Variants in FARP1 observed in about 807,000 individuals in gnomAD.
The protein encoded by FARP1 is FERM, ARH/RhoGEF and pleckstrin domain protein 1, also known as FERM, ARHGEF and pleckstrin domain-containing protein 1.
Under a neutral mutation model 128.8 loss-of-function variants are expected in FARP1, and 52 were observed. That is an observed-to-expected ratio of 0.40 (90% CI 0.32 to 0.51). The LOEUF (loss-of-function observed/expected upper bound fraction) is 0.51. FARP1 is among the 20% of genes least tolerant of loss of function. The probability of loss-of-function intolerance (pLI) is 0.45; values close to 1 mark genes in which losing one functional copy is unlikely to be tolerated. For synonymous variants in FARP1, 580 were observed against 551.8 expected, an observed-to-expected ratio of 1.05 and a Z score of -0.72; for missense variants, 1,333 against 1,367.9, an observed-to-expected ratio of 0.97 and a Z score of 0.40.
chr13:98,195,298 C>T (rs1250022195), intron 1 of FARP1, among the ~76,000 whole-genome samples: 2 of 152,150 alleles, frequency 1.3e-5, no homozygotes, highest in Non-Finnish European at 2.9e-5. Flanking sequence ...GGTTGCTCCT[C>T]GATCTGCCTA....
At chr13:98,447,006 C>G (rs1399189257) in intron 26 of FARP1, 189 bp downstream of exon 26, 3 of 602,268 alleles carry the variant, frequency 5.0e-6, no homozygotes, top group Non-Finnish European at 8.8e-6. Context: ...GGGGTCCCAA[C>G]TTCCCTGCGC....
intron 2 of FARP1, among the ~76,000 whole-genome samples, chr13:98,228,505 T>G (rs7983018): frequency 0.12 from 18,702 of 152,202 alleles, 2,768 homozygotes; most frequent in East Asian, 0.49. Flanking sequence ...GATTGAAGTT[T>G]AAAATTCAAG....
chr13:98,393,915 G>A (rs1490720763), intron 12 of FARP1, among the ~76,000 whole-genome samples, 197 bp downstream of exon 12: 1 of 152,170 alleles, frequency 6.6e-6, no homozygotes, highest in Admixed American at 6.5e-5. Flanking sequence ...CTCAGAGGCC[G>A]TGGAGTGTGT....
chr13:98,435,425 T>C (rs903139790), intron 18 of FARP1, 151 bp from the exon 19 acceptor site: 13 of 686,942 alleles, frequency 1.9e-5, no homozygotes, highest in Non-Finnish European at 2.8e-5. Context: ...ATTTTTATTA[T>C]AGAGAAATAG....
At chr13:98,418,678 G>A (rs1891479452) in intron 16 of FARP1, among the ~76,000 whole-genome samples, 1 of 152,232 alleles carries the variant, frequency 6.6e-6, no homozygotes, top group Non-Finnish European at 1.5e-5. Context: ...CTGTTTCCCT[G>A]AGACGAGTGA....
intron 1 of FARP1, among the ~76,000 whole-genome samples, chr13:98,179,592 T>C (rs956121661): frequency 2.0e-5 from 3 of 152,100 alleles, no homozygotes; most frequent in Admixed American, 1.3e-4. Flanking sequence ...TGGCCTGGCA[T>C]GGTGGCTCAC....
chr13:98,272,114 G>T (rs2389986), intron 2 of FARP1, among the ~76,000 whole-genome samples: 1 of 151,966 alleles, frequency 6.6e-6, no homozygotes, highest in Non-Finnish European at 1.5e-5. Flanking sequence ...ACTGCAACCT[G>T]TACCTCCTGG....
intron 2 of FARP1, among the ~76,000 whole-genome samples, chr13:98,273,576 A>C (rs1884490049): frequency 4.6e-5 from 7 of 152,216 alleles, no homozygotes; most frequent in Admixed American, 4.6e-4. Flanking sequence ...TTTAGTTTAC[A>C]CTGAAATGAG....
intron 2 of FARP1, among the ~76,000 whole-genome samples, chr13:98,306,379 C>T (rs1027683146): frequency 5.9e-5 from 9 of 152,222 alleles, no homozygotes; most frequent in African/African-American, 2.2e-4. Flanking sequence ...CTGTGCTAGA[C>T]ACTTTACATG....
At position 98,440,545 on chromosome 13, in the gene FARP1, A is replaced by G. The variant is rs908143498; in HGVS notation, c.2630-125A>G. On this transcript the variant is annotated intron_variant, in intron 23 of 26. Transcript: ENST00000319562. The stretch of plus-strand genomic sequence containing the variant: ...GCAGGGTCCATCGAGGCCTCATTAG[A>G]TTCTGGTTGGGCACCACAGGTTGTG... The G allele has an allele frequency of 2.2e-5, 21 of 962,314 alleles. No individual in the cohort carries two copies. In the Admixed American group the frequency reaches 5.5e-4, roughly 25 times the overall value. 59.6% of individuals were successfully genotyped at this position (962,314 alleles called of 1,614,324 possible).
At chr13:98,432,587 C>T (rs1309833386) in intron 18 of FARP1, 3 of 152,274 alleles carry the variant, frequency 2.0e-5, no homozygotes, top group Non-Finnish European at 2.9e-5. Flanking sequence ...GCCCTTATTC[C>T]TTGCCTGAAA....
At chr13:98,244,826 C>T (rs1458010150) in intron 2 of FARP1, 6 of 1,491,078 alleles carry the variant, frequency 4.0e-6, no homozygotes, top group East Asian at 2.4e-5. Flanking sequence ...GATTTTTCTG[C>T]TGGGTAGGAG....
chr13:98,352,584 G>T (rs1888481127), intron 3 of FARP1, among the ~76,000 whole-genome samples: 1 of 152,180 alleles, frequency 6.6e-6, no homozygotes, highest in Admixed American at 6.5e-5. Flanking sequence ...GCTTTGAAAA[G>T]CTACTCTGAA....
intron 16 of FARP1, among the ~76,000 whole-genome samples, chr13:98,416,951 T>G (rs368353988): frequency 2.0e-5 from 3 of 152,330 alleles, no homozygotes; most frequent in East Asian, 1.9e-4. Context: ...GGAGAAACTT[T>G]GGCCAGAGTC....
At position 98,244,381 on chromosome 13, in the gene FARP1, T is replaced by C. The variant is rs374548729; in HGVS notation, c.171+30968T>C. 1.0e-4 allele frequency: 87 copies of C among 872,250 alleles called. 1 individual carries two copies. The African/African-American group carries it at 1.4e-3, about 14-fold the overall frequency. The allele number at this position is 872,250 out of a possible 1,614,324, so 54.0% of individuals were successfully genotyped here. ...TCACCCAGTCAAGGTAATAAACATA[T>C]CCATCACTTCCAAAACTTTGCTGTG... On this transcript the variant is annotated intron_variant, in intron 2 of 26. Coordinates refer to ENST00000319562, the MANE Select transcript of FARP1 (RefSeq NM_005766.4).
intron 1 of FARP1, among the ~76,000 whole-genome samples, chr13:98,195,841 A>G (rs551719053): frequency 2.4e-4 from 37 of 152,270 alleles, no homozygotes; most frequent in African/African-American, 8.4e-4. Context: ...CCTGGGCAAC[A>G]CAGTGAAACT....
chr13:98,430,163 G>A (rs1365617433), intron 17 of FARP1, among the ~76,000 whole-genome samples: 2 of 152,116 alleles, frequency 1.3e-5, no homozygotes, highest in African/African-American at 4.8e-5. Flanking sequence ...GAGGCAGGAG[G>A]ATCCCTTGAG....
At chr13:98,278,919 G>A (rs1450542598) in intron 2 of FARP1, among the ~76,000 whole-genome samples, 3 of 151,756 alleles carry the variant, frequency 2.0e-5, no homozygotes, top group African/African-American at 4.8e-5. Context: ...TCCGCCTCCC[G>A]GGTTCATGCC....
At chr13:98,420,651 G>C (rs1191817800) in intron 16 of FARP1, among the ~76,000 whole-genome samples, 1 of 152,204 alleles carries the variant, frequency 6.6e-6, no homozygotes, top group Non-Finnish European at 1.5e-5. Context: ...TTTCCTAAGT[G>C]AAATTGTCAA....
Sources: allele counts gnomAD v4.1 joint callset (sites outside exome capture counted in the v4.1 genomes callset), GRCh38; gene constraint gnomAD v4.1.1; transcripts MANE v1.5; gene names NCBI Gene and HGNC (gene_info 2026-07-23, HGNC 2026-07-21).